Variants in ERC2 observed in about 807,000 individuals in gnomAD.
The protein encoded by ERC2 is ELKS/RAB6-interacting/CAST family member 2.
ERC2 carries 42 observed loss-of-function variants against 114.8 expected under a neutral mutation model. That is an observed-to-expected ratio of 0.37 (90% CI 0.29 to 0.47). ERC2 has a LOEUF of 0.47. ERC2 is among the 20% of genes least tolerant of loss of function. The pLI is 0.99. For synonymous variants in ERC2, 454 were observed against 425.5 expected, an observed-to-expected ratio of 1.07 and a Z score of -0.82; for missense variants, 939 against 1,150.7, an observed-to-expected ratio of 0.82 and a Z score of 2.66.
At chr3:55,805,803 T>C (rs936798905) in intron 14 of ERC2, among the ~76,000 whole-genome samples, 2 of 152,272 alleles carry the variant, frequency 1.3e-5, no homozygotes, top group East Asian at 1.9e-4. Flanking sequence ...GATACTTTCC[T>C]CCTAGTCTTT....
At chr3:55,997,138 T>A (rs2071584274) in intron 10 of ERC2, among the ~76,000 whole-genome samples, 1 of 152,186 alleles carries the variant, frequency 6.6e-6, no homozygotes, top group East Asian at 1.9e-4. Flanking sequence ...CTACCAATTT[T>A]AATTAAAAAT....
At chr3:55,873,760 C>T (rs1042881551) in intron 14 of ERC2, among the ~76,000 whole-genome samples, 8 of 152,136 alleles carry the variant, frequency 5.3e-5, no homozygotes, top group African/African-American at 1.9e-4. Context: ...TGGACAAACT[C>T]CCCTTGACCC....
At chr3:55,970,255 T>A (rs2069062468) in intron 12 of ERC2, among the ~76,000 whole-genome samples, 1 of 152,114 alleles carries the variant, frequency 6.6e-6, no homozygotes, top group South Asian at 2.1e-4. Context: ...CAACTTACTT[T>A]CTCTGAGAGC....
intron 3 of ERC2, among the ~76,000 whole-genome samples, chr3:56,274,312 C>T (rs754728476): frequency 2.0e-5 from 3 of 152,112 alleles, no homozygotes; most frequent in Non-Finnish European, 1.5e-5. Flanking sequence ...CCCTGCCCAG[C>T]CCTGTTTGTG....
chr3:56,337,861 A>G (rs1007412285), intron 2 of ERC2, among the ~76,000 whole-genome samples: 3 of 152,246 alleles, frequency 2.0e-5, no homozygotes, highest in Non-Finnish European at 4.4e-5. Flanking sequence ...ATCCATCAAC[A>G]GTAGAATGGA....
intron 4 of ERC2, among the ~76,000 whole-genome samples, chr3:56,155,895 A>G (rs2149973580): frequency 6.6e-6 from 1 of 152,298 alleles, no homozygotes; most frequent in South Asian, 2.1e-4. Context: ...TTGTTCAAAT[A>G]ATATAGATCA....
At position 55,539,415 on chromosome 3, in the gene ERC2, CTTTTTTTTTT is replaced by C. The variant is rs58749389; in HGVS notation, c.*40-28149_*40-28140del. Among the ~76,000 whole-genome samples the C allele has an allele frequency of 7.0e-3, 273 of 39,132 alleles. 1 individual carries two copies. The highest frequency in any genetic ancestry group is 0.022 in the African/African-American group (256 of 11,550). 25.7% of individuals were successfully genotyped at this position (39,132 alleles called of 152,430 possible). A position where few individuals can be genotyped will look rare whatever the true frequency, so the allele number is the denominator to read the frequency against. ...TCTCTCTCTCTCTCTTTTTTTCTTT[CTTTTTTTTTT>C]TTTTTTTTTTTTTTTTTGATGGAGT... On this transcript the variant is annotated intron_variant, in intron 17 of 17. Coordinates refer to ENST00000288221, the MANE Select transcript of ERC2 (RefSeq NM_015576.3).
intron 8 of ERC2, among the ~76,000 whole-genome samples, chr3:56,017,148 A>C (rs766783263): frequency 2.0e-5 from 3 of 152,158 alleles, no homozygotes; most frequent in Non-Finnish European, 4.4e-5. Flanking sequence ...TTCCATGTCC[A>C]ACCAACAAAC....
chr3:56,374,610 T>C lies in ERC2; in HGVS notation c.657+59741A>G, dbSNP rs1309343694. Among the ~76,000 whole-genome samples the C allele has an allele frequency of 1.1e-3, 163 of 152,286 alleles. 3 individuals carry two copies. The highest frequency in any genetic ancestry group is 0.011 in the Admixed American group (163 of 15,292). On this transcript the variant is annotated intron_variant, in intron 2 of 17. Coordinates refer to ENST00000288221, the MANE Select transcript of ERC2 (RefSeq NM_015576.3). ...AAAACTGAGCCTAAGAGAGGTTAAGTAACTTCCTGAAGGTCATGAAACCAG... is the reference window on the plus strand; with the variant it reads ...AAAACTGAGCCTAAGAGAGGTTAAGCAACTTCCTGAAGGTCATGAAACCAG...
intron 17 of ERC2, among the ~76,000 whole-genome samples, chr3:55,576,341 A>G (rs1054634910): frequency 6.6e-6 from 1 of 152,024 alleles, no homozygotes; most frequent in Non-Finnish European, 1.5e-5. Context: ...CAAAATAAAA[A>G]CATTAATGGA....
rs542226676 is a variant in ERC2, at chr3:55,882,846, G to C, written c.2564+5543C>G. 2.4e-4 allele frequency among the ~76,000 whole-genome samples: 37 copies of C among 152,236 alleles called. 1 individual carries two copies. In the South Asian group the frequency reaches 7.5e-3, roughly 31 times the overall value. On this transcript the variant is annotated intron_variant, in intron 14 of 17. Transcript: ENST00000288221. Reference sequence around the variant, plus strand: ...ATCAAGTTGGCCTCAGTTCCTAAAAGTGTTCCCACATTACAGGAAAATACA... The same window carrying C: ...ATCAAGTTGGCCTCAGTTCCTAAAACTGTTCCCACATTACAGGAAAATACA...
chr3:55,916,600 G>A (rs1413504738), intron 13 of ERC2, among the ~76,000 whole-genome samples: 1 of 152,144 alleles, frequency 6.6e-6, no homozygotes, highest in Non-Finnish European at 1.5e-5. Context: ...AATGCACTGA[G>A]CGTGTTCCCA....
chr3:55,953,961 C>G (rs1274496046), intron 12 of ERC2, among the ~76,000 whole-genome samples: 1 of 151,770 alleles, frequency 6.6e-6, no homozygotes, highest in Non-Finnish European at 1.5e-5. Context: ...GAAGGTAAGG[C>G]CCCTGGTCGT....
chr3:56,120,527 G>T (rs1177564549), intron 6 of ERC2, among the ~76,000 whole-genome samples: 4 of 152,164 alleles, frequency 2.6e-5, no homozygotes, highest in Non-Finnish European at 5.9e-5. Context: ...AACTATTGAG[G>T]AGGTGGGAGG....
In ERC2 at chr3:55,910,410, C is replaced by CA. The variant is rs111948062; in HGVS notation, c.2404-21862dup. ...CTGTCTCAACAAAAAAACAAAAAAA[C>CA]AAAAAAAACAAAACAAAACAAAAGA... On this transcript the variant is annotated intron_variant, in intron 13 of 17. Coordinates refer to ENST00000288221, the MANE Select transcript of ERC2 (RefSeq NM_015576.3). 9.5e-3 allele frequency among the ~76,000 whole-genome samples: 1,427 copies of CA among 150,220 alleles called. 12 individuals are homozygous for CA. The highest frequency in any genetic ancestry group is 0.023 in the African/African-American group (942 of 40,880).
At chr3:55,710,828 G>A (rs533269908) in intron 15 of ERC2, among the ~76,000 whole-genome samples, 1 of 152,280 alleles carries the variant, frequency 6.6e-6, no homozygotes, top group Non-Finnish European at 1.5e-5. Context: ...TTCATAAAAT[G>A]TTAATACTGG....
intron 2 of ERC2, among the ~76,000 whole-genome samples, chr3:56,383,089 C>A (rs767212755): frequency 9.2e-5 from 14 of 152,078 alleles, no homozygotes; most frequent in Non-Finnish European, 1.9e-4. Flanking sequence ...CAAATACTGC[C>A]ATAATCTGAC....
intron 6 of ERC2, among the ~76,000 whole-genome samples, chr3:56,138,393 C>T (rs1327672771): frequency 3.3e-5 from 5 of 152,190 alleles, no homozygotes; most frequent in African/African-American, 1.2e-4. Flanking sequence ...GAAATATCTA[C>T]ATCATTGAGA....
At chr3:55,540,701 C>G (rs530740744) in intron 17 of ERC2, among the ~76,000 whole-genome samples, 1 of 152,328 alleles carries the variant, frequency 6.6e-6, no homozygotes, top group South Asian at 2.1e-4. Flanking sequence ...CTCAAAGCCA[C>G]ATTCACACAA....
Sources: gnomAD v4.1 joint callset for allele counts (sites outside exome capture counted in the v4.1 genomes callset) on GRCh38, gnomAD v4.1.1 for gene constraint, MANE v1.5 for transcripts, NCBI Gene and HGNC (gene_info 2026-07-23, HGNC 2026-07-21) for gene names.